DDR2: variants seen among roughly 807,000 people sequenced by gnomAD.
DDR2 encodes the protein discoidin domain-containing receptor 2.
In DDR2, 27 loss-of-function variants were observed where a neutral mutation model predicts 94.9. The ratio of observed to expected loss-of-function variants is 0.28; its 90% confidence interval spans 0.21 to 0.39. The LOEUF (loss-of-function observed/expected upper bound fraction) is 0.39. Among genes scored for constraint, DDR2 ranks in the 10% least tolerant of loss-of-function variants. The probability of loss-of-function intolerance (pLI) is 1.00; values close to 1 mark genes in which losing one functional copy is unlikely to be tolerated. For missense variants in DDR2, 783 were observed against 1,076.0 expected (o/e 0.73, Z 3.81); for synonymous variants, 382 against 377.2 (o/e 1.01, Z -0.15).
intron 1 of DDR2, among the ~76,000 whole-genome samples, chr1:162,636,882 A>T (rs1228565674): frequency 6.6e-6 from 1 of 152,120 alleles, no homozygotes; most frequent in East Asian, 1.9e-4. Context: ...TTAAAATTTG[A>T]ATGCTCTTAT....
intron 2 of DDR2, among the ~76,000 whole-genome samples, chr1:162,684,571 A>G (rs891031170): frequency 1.3e-5 from 2 of 152,122 alleles, no homozygotes; most frequent in Non-Finnish European, 2.9e-5. Context: ...CAAAGCTCAG[A>G]GTTTGGCCAT....
chr1:162,761,170 G>A (rs1023841582), intron 8 of DDR2, 41 bp from the exon 9 acceptor site: 2 of 1,613,048 alleles, frequency 1.2e-6, no homozygotes, highest in Non-Finnish European at 1.7e-6. Flanking sequence ...ATGCACCTTA[G>A]CAGGGCCAAC....
chr1:162,767,193 A>T (rs1324309665), intron 10 of DDR2, 36 bp from the exon 11 acceptor site: 1 of 1,613,816 alleles, frequency 6.2e-7, no homozygotes, highest in East Asian at 2.2e-5. Flanking sequence ...GACCTGTGAG[A>T]TGATTGTATT....
At chr1:162,669,239 C>A (rs970265490) in intron 2 of DDR2, among the ~76,000 whole-genome samples, 4 of 152,054 alleles carry the variant, frequency 2.6e-5, no homozygotes, top group African/African-American at 7.2e-5. Context: ...TTACTATAAC[C>A]GAATATAACA....
chr1:162,640,687 C>T (rs1657085846), intron 1 of DDR2, among the ~76,000 whole-genome samples: 1 of 151,902 alleles, frequency 6.6e-6, no homozygotes, highest in African/African-American at 2.4e-5. Flanking sequence ...AGATAAGTAC[C>T]CTAAACTTAA....
At chr1:162,698,670 AG>A (rs1386078394) in intron 2 of DDR2, among the ~76,000 whole-genome samples, 1 of 152,148 alleles carries the variant, frequency 6.6e-6, no homozygotes, top group African/African-American at 2.4e-5. Context: ...AAGCATCCTC[AG>A]GGCTGGGAGA....
At chr1:162,709,884 C>T (rs1185907337) in intron 2 of DDR2, among the ~76,000 whole-genome samples, 1 of 152,190 alleles carries the variant, frequency 6.6e-6, no homozygotes, top group Non-Finnish European at 1.5e-5. Flanking sequence ...TGGATGATAA[C>T]ACTTCTAAAA....
chr1:162,767,138 G>T, intron 10 of DDR2, 91 bp from the exon 11 acceptor site: 1 of 1,575,936 alleles, frequency 6.3e-7, no homozygotes, highest in South Asian at 1.1e-5. Flanking sequence ...TCAAGGAACA[G>T]GGTCTACCTC....
chr1:162,688,224 T>C (rs1459578249), intron 2 of DDR2, among the ~76,000 whole-genome samples: 1 of 152,190 alleles, frequency 6.6e-6, no homozygotes, highest in East Asian at 1.9e-4. Flanking sequence ...CAACTTCATG[T>C]TTGGTTCAAT....
At chr1:162,767,636 T>G (rs1450451129) in intron 11 of DDR2, among the ~76,000 whole-genome samples, 1 of 152,176 alleles carries the variant, frequency 6.6e-6, no homozygotes, top group Non-Finnish European at 1.5e-5. Flanking sequence ...CCTTGAAGAT[T>G]CTGATTCACT....
At chr1:162,771,998 A>T in intron 12 of DDR2, 26 bp from the exon 13 acceptor site, 1 of 1,575,036 alleles carries the variant, frequency 6.3e-7, no homozygotes, top group East Asian at 2.3e-5. Context: ...CCACGGAATG[A>T]GGGCTCGTTG....
chr1:162,759,740 G>A, intron 7 of DDR2, 56 bp from the exon 8 acceptor site: 2 of 1,606,020 alleles, frequency 1.2e-6, no homozygotes, highest in South Asian at 1.1e-5. Context: ...TTCCACGAAT[G>A]TGTGGTTAAC....
intron 1 of DDR2, among the ~76,000 whole-genome samples, chr1:162,639,812 C>G (rs1005597292): frequency 1.3e-5 from 2 of 152,122 alleles, no homozygotes; most frequent in Non-Finnish European, 2.9e-5. Flanking sequence ...AATAGTACTT[C>G]GAATTCTGAA....
intron 2 of DDR2, among the ~76,000 whole-genome samples, chr1:162,668,515 G>A (rs1658687067): frequency 6.6e-6 from 1 of 152,164 alleles, no homozygotes. Context: ...TATTCCCTCT[G>A]AAGGTTCTAG....
intron 2 of DDR2, among the ~76,000 whole-genome samples, chr1:162,672,782 T>C (rs1260035502): frequency 6.6e-6 from 1 of 152,126 alleles, no homozygotes; most frequent in African/African-American, 2.4e-5. Flanking sequence ...TTTCCAATGT[T>C]CTGGCGGCCA....
At chr1:162,705,647 TC>T (rs1222118366) in intron 2 of DDR2, among the ~76,000 whole-genome samples, 2 of 152,206 alleles carry the variant, frequency 1.3e-5, no homozygotes, top group South Asian at 4.1e-4. Flanking sequence ...CATTCCAGCC[TC>T]GTTGTTGGAA....
intron 3 of DDR2, among the ~76,000 whole-genome samples, chr1:162,725,615 C>T (rs907283016): frequency 3.9e-5 from 6 of 152,234 alleles, no homozygotes; most frequent in Admixed American, 3.9e-4. Flanking sequence ...CTGACCTCGC[C>T]CTCCTAAAGT....
At chr1:162,695,981 T>C (rs1469738468) in intron 2 of DDR2, among the ~76,000 whole-genome samples, 1 of 152,194 alleles carries the variant, frequency 6.6e-6, no homozygotes, top group African/African-American at 2.4e-5. Flanking sequence ...GCAAGGCTAC[T>C]AACGACTAGG....
chr1:162,644,810 G>T (rs1657328108), intron 1 of DDR2, among the ~76,000 whole-genome samples: 1 of 152,084 alleles, frequency 6.6e-6, no homozygotes, highest in Admixed American at 6.6e-5. Flanking sequence ...TGGCCAGGCT[G>T]GTCTCGAACT....
Sources: allele counts gnomAD v4.1 joint callset (sites outside exome capture counted in the v4.1 genomes callset), GRCh38; gene constraint gnomAD v4.1.1; transcripts MANE v1.5; gene names NCBI Gene and HGNC (gene_info 2026-07-23, HGNC 2026-07-21).